Variants in INPP5A observed in about 807,000 individuals in gnomAD.
The protein encoded by INPP5A is inositol polyphosphate-5-phosphatase A.
Under a neutral mutation model 65.2 loss-of-function variants are expected in INPP5A, and 14 were observed. That is an observed-to-expected ratio of 0.21 (90% confidence interval 0.14 to 0.34). The LOEUF is 0.34. Ranked by LOEUF, INPP5A falls within the 10% of genes least tolerant of loss-of-function variation. The pLI, the probability that INPP5A is intolerant of heterozygous loss-of-function variation, is 1.00. For synonymous variants in INPP5A, 207 were observed against 208.3 expected (o/e 0.99, Z 0.05); for missense variants, 431 against 545.6 (o/e 0.79, Z 2.09).
intron 1 of INPP5A, among the ~76,000 whole-genome samples, chr10:132,540,792 A>G (rs2070896817): frequency 6.6e-6 from 1 of 152,230 alleles, no homozygotes; most frequent in African/African-American, 2.4e-5. Context: ...TTTCTCGCCC[A>G]GTCTCACCGT....
At position 132,644,503 on chromosome 10, in the gene INPP5A, T is replaced by C. The variant is rs1284571450; in HGVS notation, c.118-1365T>C. The stretch of plus-strand genomic sequence containing the variant: ...GCTGCCCACTTGCTCAGCTGCGCCC[T>C]GGACCGTGGCCGCTGGGCTCCTGGG... On this transcript the variant is annotated intron_variant, in intron 2 of 15. Transcript: ENST00000368594. This position sits in a 1 kb window ranked among gnomAD's most constrained non-coding sequence, Gnocchi z 6.5. Among the ~76,000 whole-genome samples the C allele has an allele frequency of 6.6e-6, 1 of 152,254 alleles. No homozygotes were observed. Among genetic ancestry groups the C allele is most frequent in the East Asian group, 1.9e-4 (1 of 5,200 alleles).
At chr10:132,778,885 G>T (rs891503570) in intron 13 of INPP5A, among the ~76,000 whole-genome samples, 2 of 152,242 alleles carry the variant, frequency 1.3e-5, no homozygotes, top group Admixed American at 1.3e-4. Flanking sequence ...CCCTCAGCAG[G>T]GCGGGGACCT....
Position 132,638,325 on chromosome 10 carries a change from C to T in INPP5A, c.118-7543C>T, listed in dbSNP as rs545029960. Among the ~76,000 whole-genome samples, 4 of 152,314 alleles carry T rather than the reference C, an allele frequency of 2.6e-5. No individual in the cohort carries two copies. The South Asian group carries it at 8.3e-4, about 32-fold the overall frequency. On this transcript the variant is annotated intron_variant, in intron 2 of 15. Coordinates refer to ENST00000368594, the MANE Select transcript of INPP5A (RefSeq NM_005539.5). The stretch of plus-strand genomic sequence containing the variant: ...GTGTTCCAACCCACGCTCGGATGTG[C>T]TGGGATGCTCTTCCAGAATCTTCAG...
At chr10:132,657,419 T>A (rs1043409091) in intron 4 of INPP5A, among the ~76,000 whole-genome samples, 2 of 152,092 alleles carry the variant, frequency 1.3e-5, no homozygotes, top group Admixed American at 1.3e-4. Flanking sequence ...CGCGGCTGGG[T>A]CTGTGGAGAG....
intron 12 of INPP5A, among the ~76,000 whole-genome samples, chr10:132,767,327 T>G: frequency 1.0e-4 from 2 of 19,924 alleles, no homozygotes; most frequent in Admixed American, 8.6e-4. Context: ...GGAGCTTGGG[T>G]GGGAGCTGGA....
chr10:132,776,129 GT>G (rs1193482703), intron 12 of INPP5A, among the ~76,000 whole-genome samples: 4 of 152,204 alleles, frequency 2.6e-5, no homozygotes, highest in Admixed American at 2.6e-4. Context: ...TCTCAAACAT[GT>G]GAAATGGGGC....
At chr10:132,544,167 A>G (rs1187392186) in intron 1 of INPP5A, among the ~76,000 whole-genome samples, 1 of 152,188 alleles carries the variant, frequency 6.6e-6, no homozygotes, top group Non-Finnish European at 1.5e-5. Context: ...GACCTCATCT[A>G]GACGCACAGC....
At chr10:132,733,507 C>T (rs1736569306) in intron 9 of INPP5A, among the ~76,000 whole-genome samples, 1 of 152,146 alleles carries the variant, frequency 6.6e-6, no homozygotes, top group African/African-American at 2.4e-5. Flanking sequence ...CCATCCAAGC[C>T]CCTCTTATGG....
At chr10:132,585,933 G>A (rs562548422) in intron 1 of INPP5A, among the ~76,000 whole-genome samples, 2 of 152,354 alleles carry the variant, frequency 1.3e-5, no homozygotes, top group Admixed American at 1.3e-4. Flanking sequence ...CCCTGAGGGT[G>A]CTGTGTGTGT....
At chr10:132,734,211 C>T (rs923136824) in intron 9 of INPP5A, among the ~76,000 whole-genome samples, 4 of 152,184 alleles carry the variant, frequency 2.6e-5, no homozygotes, top group African/African-American at 9.6e-5. Flanking sequence ...GAAGCATCAC[C>T]TCTGGGCTGG....
In INPP5A at chr10:132,782,100, C is replaced by T. The variant is rs760998838; in HGVS notation, c.*71C>T. On this transcript the variant is annotated 3_prime_UTR_variant, in exon 16 of 16. Coordinates refer to ENST00000368594, the MANE Select transcript of INPP5A (RefSeq NM_005539.5). The surrounding 1 kb of genome is among the most constrained non-coding windows in gnomAD (Gnocchi z 4.4). ...CCTCCCTGTAGCCGTGGACCGAATA[C>T]GCACTCTTGAAAGCTGCATCGAGAA... 3.6e-4 allele frequency: 549 copies of T among 1,538,362 alleles called. No homozygotes were observed. The highest frequency in any genetic ancestry group is 4.4e-4 in the Non-Finnish European group (502 of 1,138,816).
chr10:132,557,204 C>T (rs898052032), intron 1 of INPP5A, among the ~76,000 whole-genome samples: 6 of 152,218 alleles, frequency 3.9e-5, no homozygotes, highest in Non-Finnish European at 5.9e-5. Context: ...CCGCTGTGAC[C>T]GACTGTCTCA....
rs576081292 is a variant in INPP5A, at chr10:132,587,216, G to A, written c.76-20699G>A. Among the ~76,000 whole-genome samples, 28 of 152,346 alleles carry A rather than the reference G, an allele frequency of 1.8e-4. No homozygotes were observed. In the East Asian group the frequency reaches 5.2e-3, roughly 28 times the overall value. On this transcript the variant is annotated intron_variant, in intron 1 of 15. Transcript: ENST00000368594. This position sits in a 1 kb window ranked among gnomAD's most constrained non-coding sequence, Gnocchi z 4.3. ...ACAGTGTCCACAGAACTCAGAGGGC[G>A]GACAGGAGATGGACCCAGGGCAGCT...
rs146393455 is a variant in INPP5A at position 132,713,590 on chromosome 10, C to G, written c.647+3134C>G. On this transcript the variant is annotated intron_variant, in intron 8 of 15. Coordinates refer to ENST00000368594, the MANE Select transcript of INPP5A (RefSeq NM_005539.5). ...GGCGTGGCCCCTTATCCCCTCTGAC[C>G]GCCCCTGACCTCCGTCTCCAGAGTG... Among the ~76,000 whole-genome samples the G allele has an allele frequency of 4.1e-3, 629 of 152,260 alleles. 2 individuals carry two copies. The highest frequency in any genetic ancestry group is 6.6e-3 in the Non-Finnish European group (448 of 68,004).
At chr10:132,721,147 G>C (rs1463595768) in intron 8 of INPP5A, among the ~76,000 whole-genome samples, 1 of 151,112 alleles carries the variant, frequency 6.6e-6, no homozygotes, top group Admixed American at 6.6e-5. Context: ...CCTGGGTTCT[G>C]TCTGGGCGCC....
At chr10:132,642,235 C>T (rs866344773) in intron 2 of INPP5A, among the ~76,000 whole-genome samples, 9 of 152,188 alleles carry the variant, frequency 5.9e-5, no homozygotes, top group Non-Finnish European at 2.9e-5. Flanking sequence ...TGGGTGGAGG[C>T]GTTTCCAGCA....
rs777475157 is a variant in INPP5A, at chr10:132,538,628, C to T, written c.75+457C>T. ...AGAACCCTGGCCCTGGAATGCCCAT[C>T]CCCAACCCTGGCCCTGAACCCCAGG... On this transcript the variant is annotated intron_variant, in intron 1 of 15. Coordinates refer to ENST00000368594, the MANE Select transcript of INPP5A (RefSeq NM_005539.5). The surrounding 1 kb of genome is among the most constrained non-coding windows in gnomAD (Gnocchi z 4.1). 6.6e-6 allele frequency among the ~76,000 whole-genome samples: 1 copy of T among 152,172 alleles called. No homozygotes were observed. The highest frequency in any genetic ancestry group is 1.5e-5 in the Non-Finnish European group (1 of 68,030).
intron 1 of INPP5A, among the ~76,000 whole-genome samples, chr10:132,570,303 G>A (rs960001716): frequency 6.6e-6 from 1 of 152,234 alleles, no homozygotes; most frequent in Non-Finnish European, 1.5e-5. Flanking sequence ...CATAGAACCA[G>A]ATGACCATTT....
intron 9 of INPP5A, among the ~76,000 whole-genome samples, chr10:132,734,858 C>T (rs1391808132): frequency 2.0e-5 from 3 of 152,236 alleles, no homozygotes; most frequent in Non-Finnish European, 4.4e-5. Flanking sequence ...GCAGGAGTGT[C>T]TTGCAGGGTC....
Sources: allele counts gnomAD v4.1 joint callset (sites outside exome capture counted in the v4.1 genomes callset), GRCh38; gene constraint gnomAD v4.1.1; non-coding constraint Gnocchi (gnomAD v3.1); transcripts MANE v1.5; gene names NCBI Gene and HGNC (gene_info 2026-07-23, HGNC 2026-07-21).